Variants in TMEM87B observed in about 807,000 individuals in gnomAD.
The protein encoded by TMEM87B is transmembrane protein 87B.
TMEM87B carries 83 observed loss-of-function variants against 80.3 expected under a neutral mutation model. The ratio of observed to expected loss-of-function variants is 1.03; its 90% confidence interval spans 0.87 to 1.24. The LOEUF (loss-of-function observed/expected upper bound fraction) is 1.24. TMEM87B is among the 50% of genes most tolerant of loss of function. TMEM87B has a pLI of 0.00. For missense variants in TMEM87B, 625 were observed against 674.4 expected, an observed-to-expected ratio of 0.93 and a Z score of 0.81; for synonymous variants, 219 against 230.5, an observed-to-expected ratio of 0.95 and a Z score of 0.45.
intron 2 of TMEM87B, among the ~76,000 whole-genome samples, chr2:112,062,359 CAG>C (rs1395130924): frequency 6.6e-6 from 1 of 152,048 alleles, no homozygotes; most frequent in Non-Finnish European, 1.5e-5. Flanking sequence ...ACCATATTAA[CAG>C]AATATAAGAA....
intron 6 of TMEM87B, among the ~76,000 whole-genome samples, chr2:112,078,538 C>G (rs1678889127): frequency 1.3e-5 from 2 of 152,180 alleles, no homozygotes; most frequent in South Asian, 2.1e-4. Flanking sequence ...TTAATCACTT[C>G]CCAAAAGGCC....
chr2:112,064,277 T>C, intron 3 of TMEM87B, 24 bp downstream of exon 3: 1 of 1,596,578 alleles, frequency 6.3e-7, no homozygotes, highest in Non-Finnish European at 8.6e-7. Flanking sequence ...AAGTTTTTAA[T>C]GTATATAAAG....
chr2:112,058,404 ACT>A (rs1678147850), intron 1 of TMEM87B, among the ~76,000 whole-genome samples: 1 of 152,182 alleles, frequency 6.6e-6, no homozygotes, highest in Non-Finnish European at 1.5e-5. Flanking sequence ...AATGTTGTGG[ACT>A]ACAGATTGCA....
intron 18 of TMEM87B, 133 bp from the exon 19 acceptor site, chr2:112,115,951 G>A (rs1680011186): frequency 1.5e-6 from 1 of 655,320 alleles, no homozygotes; most frequent in South Asian, 2.1e-5. Context: ...TTTTCTGTAT[G>A]TAATATTTCC....
At position 112,055,461 on chromosome 2, in the gene TMEM87B, C is replaced by A. The variant is rs1006887873; in HGVS notation, c.-131C>A. On this transcript the variant is annotated 5_prime_UTR_variant, in exon 1 of 19. Coordinates refer to ENST00000283206, the MANE Select transcript of TMEM87B (RefSeq NM_032824.3). ...CGGCGCCTCTCCGCCCAGGCCCAAG[C>A]GCGAGCCCCTCCTCCACACCCGAGT... The A allele has an allele frequency of 3.6e-5, 40 of 1,109,984 alleles. No individual in the cohort carries two copies. In the African/African-American group the frequency reaches 6.0e-4, roughly 17 times the overall value. The allele number at this position is 1,109,984 out of a possible 1,614,324, so 68.8% of individuals were successfully genotyped here.
chr2:112,055,331 T>G lies in TMEM87B; in HGVS notation c.-261T>G. ...ACGTCTCGCCGCCAACTCCACATCC[T>G]GGCTCCTATCTCTGCCTTCCAGGCA... On this transcript the variant is annotated 5_prime_UTR_variant, in exon 1 of 19. Coordinates refer to ENST00000283206, the MANE Select transcript of TMEM87B (RefSeq NM_032824.3). 2.0e-6 allele frequency: 1 copy of G among 496,330 alleles called. No homozygotes were observed. Among genetic ancestry groups the G allele is most frequent in the South Asian group, 2.9e-5 (1 of 34,266 alleles). The allele number at this position is 496,330 out of a possible 1,614,324, so 30.7% of individuals were successfully genotyped here.
At chr2:112,055,907 CCGGGGAG>C (rs1484639658) in intron 1 of TMEM87B, 151 bp downstream of exon 1, 5 of 1,137,758 alleles carry the variant, frequency 4.4e-6, no homozygotes, top group Admixed American at 4.1e-5. Context: ...TCTGTTACAG[CCGGGGAG>C]CGGGGAGCGG....
At chr2:112,058,682 C>A (rs1347234845) in intron 1 of TMEM87B, among the ~76,000 whole-genome samples, 2 of 152,206 alleles carry the variant, frequency 1.3e-5, no homozygotes, top group Non-Finnish European at 2.9e-5. Context: ...ATGCTAATCA[C>A]TATGGCTGCT....
At chr2:112,108,701 G>A (rs1191938421) in intron 17 of TMEM87B, among the ~76,000 whole-genome samples, 2 of 151,970 alleles carry the variant, frequency 1.3e-5, no homozygotes, top group Non-Finnish European at 2.9e-5. Flanking sequence ...AGGTTTTTTT[G>A]GGTGAGAAGG....
intron 10 of TMEM87B, among the ~76,000 whole-genome samples, chr2:112,090,790 A>G (rs1345995807): frequency 1.3e-5 from 2 of 152,134 alleles, no homozygotes; most frequent in African/African-American, 4.8e-5. Context: ...ATTATATCTT[A>G]CCTAATCCAA....
chr2:112,056,068 C>T (rs1678047846), intron 1 of TMEM87B, among the ~76,000 whole-genome samples: 1 of 152,144 alleles, frequency 6.6e-6, no homozygotes, highest in African/African-American at 2.4e-5. Context: ...CATGTTTTGG[C>T]TGGATCAGGA....
intron 17 of TMEM87B, among the ~76,000 whole-genome samples, chr2:112,109,359 A>G (rs775813656): frequency 6.6e-6 from 1 of 151,998 alleles, no homozygotes. Context: ...TTTCTTTAAT[A>G]TTTCTTATAG....
intron 10 of TMEM87B, 48 bp from the exon 11 acceptor site, chr2:112,091,664 C>T (rs961478241): frequency 1.6e-6 from 2 of 1,218,740 alleles, no homozygotes; most frequent in South Asian, 2.5e-5. Flanking sequence ...TGCTATAGTG[C>T]AATGAAAGTG....
chr2:112,073,097 G>A lies in TMEM87B; in HGVS notation c.451-1815G>A, dbSNP rs951036262. On this transcript the variant is annotated intron_variant, in intron 4 of 18. Coordinates refer to ENST00000283206, the MANE Select transcript of TMEM87B (RefSeq NM_032824.3). The stretch of plus-strand genomic sequence containing the variant: ...GTATTTTTAGTAGAGATGAGGTTTC[G>A]CCATGTTGGCCAGGCTGGTCTCGAA... 9.2e-5 allele frequency among the ~76,000 whole-genome samples: 14 copies of A among 151,634 alleles called. 1 individual carries two copies. The highest frequency in any genetic ancestry group is 5.3e-4 in the Admixed American group (8 of 15,212).
intron 16 of TMEM87B, among the ~76,000 whole-genome samples, chr2:112,106,888 G>A (rs1434151538): frequency 6.6e-6 from 1 of 152,136 alleles, no homozygotes; most frequent in Non-Finnish European, 1.5e-5. Flanking sequence ...GGATAACATA[G>A]ACTGGAGGGA....
At chr2:112,092,363 A>G (rs879520658) in intron 11 of TMEM87B, among the ~76,000 whole-genome samples, 5 of 152,174 alleles carry the variant, frequency 3.3e-5, no homozygotes, top group Non-Finnish European at 5.9e-5. Context: ...GTGGACATGC[A>G]TGGGAGAGCC....
At chr2:112,055,879 C>G in intron 1 of TMEM87B, 123 bp downstream of exon 1, 4 of 1,246,974 alleles carry the variant, frequency 3.2e-6, no homozygotes, top group South Asian at 3.6e-5. Context: ...TCCCCTGATA[C>G]CCTCCCTGAG....
intron 15 of TMEM87B, among the ~76,000 whole-genome samples, chr2:112,101,257 C>T (rs2104499207): frequency 6.6e-6 from 1 of 152,166 alleles, no homozygotes; most frequent in South Asian, 2.1e-4. Flanking sequence ...ACTTTTGCTT[C>T]TCTTAGTAAC....
At chr2:112,059,869 C>G (rs1201903207) in intron 1 of TMEM87B, 108 bp from the exon 2 acceptor site, 3 of 1,352,774 alleles carry the variant, frequency 2.2e-6, no homozygotes, top group Non-Finnish European at 2.9e-6. Flanking sequence ...AAAAAATACT[C>G]TTGTCAGAGA....
Sources: gnomAD v4.1 joint callset for allele counts (sites outside exome capture counted in the v4.1 genomes callset) on GRCh38, gnomAD v4.1.1 for gene constraint, MANE v1.5 for transcripts, NCBI Gene and HGNC (gene_info 2026-07-23, HGNC 2026-07-21) for gene names.